Variants in PDE4D observed in about 807,000 individuals in gnomAD.
PDE4D encodes phosphodiesterase 4D, also known as 3',5'-cyclic-AMP phosphodiesterase 4D.
A neutral mutation model predicts 87.4 loss-of-function variants in PDE4D; 24 were observed. The observed-to-expected ratio is 0.27, with a 90% confidence interval of 0.20 to 0.39. The LOEUF (loss-of-function observed/expected upper bound fraction) is 0.39. PDE4D is among the 10% of genes least tolerant of loss of function. The pLI, the probability that PDE4D is intolerant of heterozygous loss-of-function variation, is 1.00. For synonymous variants in PDE4D, 384 were observed against 383.2 expected, an observed-to-expected ratio of 1.00 and a Z score of -0.02; for missense variants, 714 against 1,041.0, an observed-to-expected ratio of 0.69 and a Z score of 4.32.
intron 1 of PDE4D, among the ~76,000 whole-genome samples, chr5:60,267,776 G>C (rs1750369706): frequency 6.6e-6 from 1 of 152,120 alleles, no homozygotes; most frequent in Admixed American, 6.5e-5. Flanking sequence ...AAAAGTATCA[G>C]ACAGCTGTTT....
intron 1 of PDE4D, among the ~76,000 whole-genome samples, chr5:59,708,963 A>G (rs1753826891): frequency 6.6e-6 from 1 of 151,600 alleles, no homozygotes; most frequent in Admixed American, 6.6e-5. Context: ...TATTTTCAGC[A>G]ACACTCATGC....
At chr5:60,157,711 T>C (rs958588167) in intron 2 of PDE4D, among the ~76,000 whole-genome samples, 1 of 152,222 alleles carries the variant, frequency 6.6e-6, no homozygotes, top group African/African-American at 2.4e-5. Flanking sequence ...CTAGATTTCA[T>C]GGTCTTTCTT....
intron 3 of PDE4D, among the ~76,000 whole-genome samples, chr5:59,954,225 G>C (rs1758597438): frequency 6.6e-6 from 1 of 152,098 alleles, no homozygotes; most frequent in Non-Finnish European, 1.5e-5. Flanking sequence ...CACCTGGCCT[G>C]TTTCTTAGTT....
chr5:59,290,120 G>C (rs1159343465), intron 1 of PDE4D, among the ~76,000 whole-genome samples: 1 of 151,760 alleles, frequency 6.6e-6, no homozygotes. Flanking sequence ...ATTCAATGTA[G>C]TCCCTATAAA....
chr5:59,212,207 G>A (rs1049129035), intron 2 of PDE4D, among the ~76,000 whole-genome samples: 5 of 152,136 alleles, frequency 3.3e-5, no homozygotes, highest in African/African-American at 1.2e-4. Flanking sequence ...ATGGCCATAT[G>A]AGAATTCAAA....
At chr5:60,411,909 G>T (rs1742076473) in intron 1 of PDE4D, among the ~76,000 whole-genome samples, 1 of 152,086 alleles carries the variant, frequency 6.6e-6, no homozygotes, top group African/African-American at 2.4e-5. Context: ...GGCTAGATAG[G>T]TGTTATATTG....
chr5:60,232,479 A>T (rs1459417419), intron 1 of PDE4D, among the ~76,000 whole-genome samples: 1 of 151,866 alleles, frequency 6.6e-6, no homozygotes, highest in Non-Finnish European at 1.5e-5. Context: ...CATGTTGGTA[A>T]ATCTAGACTT....
At chr5:60,376,746 A>G (rs775575166) in intron 1 of PDE4D, among the ~76,000 whole-genome samples, 50 of 152,252 alleles carry the variant, frequency 3.3e-4, no homozygotes, top group Non-Finnish European at 6.6e-4. Flanking sequence ...ATTCTGCTCA[A>G]TACATTCTCC....
At chr5:59,200,867 C>T (rs1278862679) in intron 2 of PDE4D, among the ~76,000 whole-genome samples, 1 of 151,854 alleles carries the variant, frequency 6.6e-6, no homozygotes, top group Non-Finnish European at 1.5e-5. Flanking sequence ...CACATGTATG[C>T]AATATAGTAT....
intron 1 of PDE4D, among the ~76,000 whole-genome samples, chr5:60,339,333 G>C (rs767189550): frequency 6.6e-6 from 1 of 152,064 alleles, no homozygotes; most frequent in Admixed American, 6.5e-5. Context: ...TCCATACCTC[G>C]AAGGTGGATC....
chr5:59,394,520 G>C (rs950481941), intron 1 of PDE4D, among the ~76,000 whole-genome samples: 21 of 152,162 alleles, frequency 1.4e-4, no homozygotes, highest in Middle Eastern at 6.8e-3. Flanking sequence ...AATTCCCTTA[G>C]TGATATATAT....
intron 1 of PDE4D, among the ~76,000 whole-genome samples, chr5:59,736,767 G>T (rs1248914519): frequency 2.0e-5 from 3 of 152,002 alleles, no homozygotes; most frequent in Admixed American, 6.6e-5. Context: ...GAGGTTAAAA[G>T]GTATGTGCAA....
chr5:59,668,597 T>A lies in PDE4D; in HGVS notation c.455+224571A>T, dbSNP rs2150315797. Among the ~76,000 whole-genome samples, 2 of 151,788 alleles carry A rather than the reference T, an allele frequency of 1.3e-5. 1 individual carries two copies. Among genetic ancestry groups the A allele is most frequent in the Middle Eastern group, 6.8e-3 (2 of 294 alleles). On this transcript the variant is annotated intron_variant, in intron 1 of 14. Coordinates refer to ENST00000340635, the MANE Select transcript of PDE4D (RefSeq NM_001104631.2). ...GGTGGCCCATGCCTGTAGTCCCAGC[T>A]ACTCAGAGGCTGAGGCAGGAGGATC...
At chr5:59,173,703 A>G (rs1039142300) in intron 5 of PDE4D, among the ~76,000 whole-genome samples, 1 of 152,296 alleles carries the variant, frequency 6.6e-6, no homozygotes, top group Non-Finnish European at 1.5e-5. Context: ...TCTTTATTCT[A>G]TTAAAGGAAA....
chr5:59,687,439 A>G (rs1024126508), intron 1 of PDE4D, among the ~76,000 whole-genome samples: 16 of 152,196 alleles, frequency 1.1e-4, no homozygotes, highest in Non-Finnish European at 1.0e-4. Flanking sequence ...TTCTTAAAGA[A>G]TTTTCAACCC....
chr5:59,937,128 C>T (rs1052567434), intron 3 of PDE4D, among the ~76,000 whole-genome samples: 4 of 152,126 alleles, frequency 2.6e-5, no homozygotes, highest in Non-Finnish European at 4.4e-5. Flanking sequence ...TCCCCATTTA[C>T]AGATAGGAAA....
chr5:59,418,116 T>G (rs1793916058), intron 1 of PDE4D, among the ~76,000 whole-genome samples: 1 of 152,156 alleles, frequency 6.6e-6, no homozygotes, highest in Admixed American at 6.5e-5. Flanking sequence ...CTTACTCTAG[T>G]CTTCTGGTAT....
chr5:59,718,790 A>G (rs1351221762), intron 1 of PDE4D, among the ~76,000 whole-genome samples: 1 of 152,174 alleles, frequency 6.6e-6, no homozygotes, highest in African/African-American at 2.4e-5. Flanking sequence ...CCATGGCAAT[A>G]TTCTCCCTGT....
intron 1 of PDE4D, among the ~76,000 whole-genome samples, chr5:59,445,934 T>C (rs1798277826): frequency 6.6e-6 from 1 of 152,210 alleles, no homozygotes; most frequent in Non-Finnish European, 1.5e-5. Context: ...TGGTCATACA[T>C]ACCTGAGTGT....
Sources: allele counts gnomAD v4.1 joint callset (sites outside exome capture counted in the v4.1 genomes callset), GRCh38; gene constraint gnomAD v4.1.1; transcripts MANE v1.5; gene names NCBI Gene and HGNC (gene_info 2026-07-23, HGNC 2026-07-21).